The following FUT9 variants were observed in gnomAD, a reference collection of about 807,000 sequenced individuals.
The protein encoded by FUT9 is fucosyltransferase 9.
A neutral mutation model predicts 29.7 loss-of-function variants in FUT9; 15 were observed. The observed-to-expected ratio is 0.51, with a 90% CI of 0.34 to 0.78. The LOEUF (loss-of-function observed/expected upper bound fraction) is 0.78. Among genes scored for constraint, FUT9 ranks in the 30% least tolerant of loss-of-function variants. The pLI is 0.01. For missense variants in FUT9, 319 were observed against 425.4 expected (o/e 0.75, Z 2.20); for synonymous variants, 169 against 153.7 (o/e 1.10, Z -0.74).
Position 96,115,787 on chromosome 6 carries a change from C to T in FUT9, c.-9+1660C>T, listed in dbSNP as rs527762310. On this transcript the variant is annotated intron_variant, in intron 2 of 2. Transcript: ENST00000302103. ...ACTTATTACTTAAAATGGATTTTTA[C>T]AGAACCCCATGTTTATGAGAAATTA... 2.6e-5 allele frequency among the ~76,000 whole-genome samples: 4 copies of T among 152,242 alleles called. No homozygotes were observed. In the East Asian group the frequency reaches 7.7e-4, roughly 29 times the overall value.
Position 96,135,394 on chromosome 6 carries a change from G to A in FUT9, c.-9+21267G>A, listed in dbSNP as rs1054535375. On this transcript the variant is annotated intron_variant, in intron 2 of 2. Coordinates refer to ENST00000302103, the MANE Select transcript of FUT9 (RefSeq NM_006581.4). ...TCCTATTGGAATTAGAAATGAATGAGCACTACTTATTGGGCCCAAGAGAAA... is the reference window on the plus strand; with the variant it reads ...TCCTATTGGAATTAGAAATGAATGAACACTACTTATTGGGCCCAAGAGAAA... Among the ~76,000 whole-genome samples, 159 of 151,818 alleles carry A rather than the reference G, an allele frequency of 1.0e-3. 5 individuals are homozygous for A. Among genetic ancestry groups the A allele is most frequent in the Non-Finnish European group, 4.0e-4 (27 of 67,822 alleles).
chr6:96,118,607 TTA>T (rs1358912964), intron 2 of FUT9, among the ~76,000 whole-genome samples: 4 of 152,234 alleles, frequency 2.6e-5, no homozygotes, highest in African/African-American at 4.8e-5. Flanking sequence ...GTTTATGTAT[TTA>T]CTATATTTTA....
chr6:96,181,444 A>T (rs9404363), intron 2 of FUT9, among the ~76,000 whole-genome samples: 28 of 133,770 alleles, frequency 2.1e-4, no homozygotes, highest in African/African-American at 6.1e-4. Context: ...GTTCTTTTTT[A>T]ATTTTTTTTT....
intron 2 of FUT9, among the ~76,000 whole-genome samples, chr6:96,188,925 C>T (rs989511007): frequency 6.6e-6 from 1 of 151,902 alleles, no homozygotes; most frequent in African/African-American, 2.4e-5. Flanking sequence ...AGTAAAAACG[C>T]CCAATCTTTG....
chr6:96,082,092 C>G (rs1474989979), intron 1 of FUT9, among the ~76,000 whole-genome samples: 2 of 151,646 alleles, frequency 1.3e-5, no homozygotes, highest in Non-Finnish European at 3.0e-5. Context: ...TTATAAATAC[C>G]TTCTTCCAGT....
At position 96,163,105 on chromosome 6, in the gene FUT9, G is replaced by A. The variant is rs114882607; in HGVS notation, c.-8-40043G>A. Among the ~76,000 whole-genome samples, 1,431 of 152,234 alleles carry A rather than the reference G, an allele frequency of 9.4e-3. 24 individuals are homozygous for A. Among genetic ancestry groups the A allele is most frequent in the African/African-American group, 0.033 (1,372 of 41,542 alleles). On this transcript the variant is annotated intron_variant, in intron 2 of 2. Coordinates refer to ENST00000302103, the MANE Select transcript of FUT9 (RefSeq NM_006581.4). ...CAAGAAAATGTGAGAGGTCCTCCAA[G>A]ACTGCATCCTTTACAAGTTTCTCAC...
At chr6:96,025,348 A>G (rs1770146431) in intron 1 of FUT9, among the ~76,000 whole-genome samples, 1 of 151,744 alleles carries the variant, frequency 6.6e-6, no homozygotes, top group South Asian at 2.1e-4. Context: ...TTAGCTTGCA[A>G]TGACCTCCTT....
At chr6:96,137,245 A>G (rs1338030119) in intron 2 of FUT9, among the ~76,000 whole-genome samples, 1 of 152,086 alleles carries the variant, frequency 6.6e-6, no homozygotes, top group Non-Finnish European at 1.5e-5. Flanking sequence ...CCCAATGGCC[A>G]ATTTTGAGTA....
At chr6:96,039,949 A>ATT (rs58088819) in intron 1 of FUT9, among the ~76,000 whole-genome samples, 45 of 150,874 alleles carry the variant, frequency 3.0e-4, no homozygotes, top group Admixed American at 7.3e-4. Context: ...AATTCAAACT[A>ATT]TTTTTTTTTC....
intron 1 of FUT9, among the ~76,000 whole-genome samples, chr6:96,073,690 G>C (rs917423834): frequency 6.6e-6 from 1 of 152,070 alleles, no homozygotes; most frequent in Non-Finnish European, 1.5e-5. Flanking sequence ...GCTTGAAAGG[G>C]CGATGGGGAA....
At chr6:96,182,313 G>C (rs762852798) in intron 2 of FUT9, among the ~76,000 whole-genome samples, 2 of 151,972 alleles carry the variant, frequency 1.3e-5, no homozygotes, top group Non-Finnish European at 2.9e-5. Flanking sequence ...CTTAGATTCT[G>C]TATATTTGTC....
intron 2 of FUT9, among the ~76,000 whole-genome samples, chr6:96,120,346 A>G (rs903559893): frequency 3.5e-5 from 5 of 143,108 alleles, no homozygotes; most frequent in Non-Finnish European, 6.0e-5. Context: ...TCTCGGCCCA[A>G]TGCAAACTCC....
intron 2 of FUT9, among the ~76,000 whole-genome samples, chr6:96,153,158 C>T (rs1398332180): frequency 6.6e-6 from 1 of 152,132 alleles, no homozygotes; most frequent in Non-Finnish European, 1.5e-5. Flanking sequence ...ATTTAATTGT[C>T]ATAGGTAGTT....
intron 2 of FUT9, among the ~76,000 whole-genome samples, chr6:96,128,320 G>A (rs1377681408): frequency 2.6e-5 from 4 of 151,908 alleles, no homozygotes; most frequent in Non-Finnish European, 5.9e-5. Context: ...AATAAAAGAG[G>A]CAAATAAAGT....
At chr6:96,023,164 A>G (rs1465846557) in intron 1 of FUT9, among the ~76,000 whole-genome samples, 2 of 152,076 alleles carry the variant, frequency 1.3e-5, no homozygotes, top group East Asian at 3.9e-4. Context: ...CAATGCCCAA[A>G]TGTCCCAATA....
chr6:96,119,370 C>A (rs1228377548), intron 2 of FUT9, among the ~76,000 whole-genome samples: 2 of 152,112 alleles, frequency 1.3e-5, no homozygotes, highest in Non-Finnish European at 2.9e-5. Flanking sequence ...AGTTTGTAGC[C>A]TAGAAACAAT....
chr6:96,055,386 G>GTTT (rs35208471), intron 1 of FUT9, among the ~76,000 whole-genome samples: 76,924 of 148,868 alleles, frequency 0.52, 19,939 homozygotes, highest in South Asian at 0.62. Context: ...TTTGGGGTTT[G>GTTT]TTTTTTTTCT....
At chr6:96,064,782 TAC>T (rs778849510) in intron 1 of FUT9, among the ~76,000 whole-genome samples, 3 of 151,800 alleles carry the variant, frequency 2.0e-5, no homozygotes, top group Non-Finnish European at 4.4e-5. Flanking sequence ...CAAACACACA[TAC>T]ACACACCATT....
intron 2 of FUT9, among the ~76,000 whole-genome samples, chr6:96,129,939 A>C (rs1409314401): frequency 6.6e-6 from 1 of 152,026 alleles, no homozygotes; most frequent in African/African-American, 2.4e-5. Context: ...TTATGCCTTG[A>C]ATTTTTTAAT....
Sources: allele counts gnomAD v4.1 joint callset (sites outside exome capture counted in the v4.1 genomes callset), GRCh38; gene constraint gnomAD v4.1.1; transcripts MANE v1.5; gene names NCBI Gene and HGNC (gene_info 2026-07-23, HGNC 2026-07-21).